Variants in GYPE observed in about 807,000 individuals in gnomAD.
The protein encoded by GYPE is glycophorin E (MNS blood group), also known as glycophorin-E.
A neutral mutation model predicts 11.6 loss-of-function variants in GYPE; 8 were observed. The observed-to-expected ratio is 0.69, with a 90% CI of 0.41 to 1.25. The LOEUF is 1.25. GYPE is among the 50% of genes most tolerant of loss of function. The pLI, the probability that GYPE is intolerant of heterozygous loss-of-function variation, is 0.01. For missense variants in GYPE, 90 were observed against 92.8 expected (o/e 0.97, Z 0.12); for synonymous variants, 28 against 29.6 (o/e 0.94, Z 0.18).
chr4:143,898,736 A>C (rs1009641010), intron 1 of GYPE, among the ~76,000 whole-genome samples: 1 of 152,224 alleles, frequency 6.6e-6, no homozygotes, highest in Non-Finnish European at 1.5e-5. Flanking sequence ...CGAATCAATG[A>C]AGACAGATTT....
At chr4:143,880,229 A>C (rs899135393) in intron 2 of GYPE, among the ~76,000 whole-genome samples, 182 bp downstream of exon 2, 26 of 152,104 alleles carry the variant, frequency 1.7e-4, no homozygotes, top group African/African-American at 4.3e-4. Context: ...TATTTCTGTG[A>C]GATATTTCAG....
intron 1 of GYPE, among the ~76,000 whole-genome samples, chr4:143,894,342 G>A (rs560774675): frequency 3.0e-4 from 45 of 152,256 alleles, no homozygotes; most frequent in African/African-American, 7.2e-4. Context: ...GCTTTGTTCC[G>A]TTGCTCGAGA....
intron 1 of GYPE, among the ~76,000 whole-genome samples, chr4:143,904,513 T>C (rs1744985850): frequency 6.6e-6 from 1 of 152,172 alleles, no homozygotes; most frequent in African/African-American, 2.4e-5. Flanking sequence ...CCTGTGCTCT[T>C]AACTATTGCA....
At position 143,876,847 on chromosome 4, in the gene GYPE, G is replaced by T; in HGVS notation, c.145C>A (p.Leu49Ile). ...YISSQTNGIT[L>I]INWWAMARVI... ...CGAGCCATCGCCCACCAATTAATGA[G>T]TGTTATCCCTACAGGAGATAAAGAG... Residue 49 changes from leucine to isoleucine, a missense_variant, in exon 3 of 4, where the codon CTC becomes ATC. Physicochemically the swap from Leu to Ile is conservative, Grantham distance 5. Coordinates refer to ENST00000358615, the MANE Select transcript of GYPE (RefSeq NM_198682.3). 1.9e-6 allele frequency: 3 copies of T among 1,598,672 alleles called. No individual in the cohort carries two copies. Among genetic ancestry groups the T allele is most frequent in the Non-Finnish European group, 2.6e-6 (3 of 1,166,698 alleles).
intron 3 of GYPE, chr4:143,875,266 A>G: frequency 3.5e-6 from 2 of 571,234 alleles, no homozygotes; most frequent in Non-Finnish European, 3.1e-6. Context: ...TGGGCTTTAC[A>G]TTTTAAACAT....
intron 2 of GYPE, chr4:143,878,728 A>G (rs925274780): frequency 2.1e-6 from 1 of 469,746 alleles, no homozygotes. Context: ...CGTGCAAAGA[A>G]AAAAATCATT....
intron 1 of GYPE, among the ~76,000 whole-genome samples, chr4:143,891,149 G>A (rs1425808052): frequency 6.6e-6 from 1 of 151,104 alleles, no homozygotes; most frequent in Non-Finnish European, 1.5e-5. Flanking sequence ...TTTAGGCTTT[G>A]TGGACCATCT....
intron 1 of GYPE, among the ~76,000 whole-genome samples, chr4:143,882,884 C>A (rs1301686750): frequency 6.6e-6 from 1 of 152,166 alleles, no homozygotes; most frequent in Non-Finnish European, 1.5e-5. Context: ...TTTGAATTTT[C>A]TCAGCATGAG....
rs571469034 is a variant in GYPE at position 143,876,914 on chromosome 4, A to C, written c.137-59T>G. On this transcript the variant is annotated intron_variant, in intron 2 of 3. Transcript: ENST00000358615. The stretch of plus-strand genomic sequence containing the variant: ...AAGTCTGAAATAAATGACCACATCC[A>C]ATTGAAAAATAAGATAACATCAGCA... 1,073 of 912,454 alleles carry C rather than the reference A, an allele frequency of 1.2e-3. 5 individuals are homozygous for C. The highest frequency in any genetic ancestry group is 2.4e-3 in the Admixed American group (132 of 54,598). 56.5% of individuals were successfully genotyped at this position (912,454 alleles called of 1,614,324 possible).
chr4:143,901,406 A>G lies in GYPE; in HGVS notation c.37+4065T>C, dbSNP rs1463873466. Among the ~76,000 whole-genome samples the G allele has an allele frequency of 6.6e-5, 6 of 91,156 alleles. No homozygotes were observed. The South Asian group carries it at 3.2e-3, about 48-fold the overall frequency. 59.8% of individuals were successfully genotyped at this position (91,156 alleles called of 152,430 possible). A position where few individuals can be genotyped will look rare whatever the true frequency, so the allele number is the denominator to read the frequency against. ...ATGGTTCTCTTTGCAGAAAATTTAG[A>G]AAGTATTTAAAATGAGAAAAAAAAA... On this transcript the variant is annotated intron_variant, in intron 1 of 3. Coordinates refer to ENST00000358615, the MANE Select transcript of GYPE (RefSeq NM_198682.3).
At chr4:143,877,143 G>T (rs1743847139) in intron 2 of GYPE, among the ~76,000 whole-genome samples, 1 of 152,176 alleles carries the variant, frequency 6.6e-6, no homozygotes, top group African/African-American at 2.4e-5. Context: ...TTCTTCACTA[G>T]TGTAACTGTA....
chr4:143,880,358 C>A, intron 2 of GYPE, 53 bp downstream of exon 2: 1 of 1,612,856 alleles, frequency 6.2e-7, no homozygotes, highest in South Asian at 1.1e-5. Context: ...AATAGGGTTG[C>A]ATCACAAAAA....
At chr4:143,892,647 T>C (rs1481442558) in intron 1 of GYPE, among the ~76,000 whole-genome samples, 1 of 152,080 alleles carries the variant, frequency 6.6e-6, no homozygotes, top group African/African-American at 2.4e-5. Flanking sequence ...TCCTGAGTTC[T>C]AGTTTGATTG....
rs17018900 is a variant in GYPE at position 143,876,759 on chromosome 4, C to T, written c.233G>A (p.Arg78Gln). ...CTGAATTCTCACCTTTATCAGTCAT[C>T]GAATACAGTAAGAAATTAAGATGAT... is the stretch of plus-strand genomic sequence containing the variant. ...GMIILISYCI[R>Q] The change falls in exon 3 of 4, where the codon CGA becomes CAA. Residue 78 changes from arginine (R) to glutamine (Q), a missense_variant. Transcript: ENST00000358615. 1.0e-4 allele frequency: 161 copies of T among 1,573,418 alleles called. No individual in the cohort carries two copies. In the African/African-American group the frequency reaches 1.7e-3, roughly 16 times the overall value.
chr4:143,890,261 C>T (rs1195778856), intron 1 of GYPE, among the ~76,000 whole-genome samples: 1 of 152,108 alleles, frequency 6.6e-6, no homozygotes, highest in Non-Finnish European at 1.5e-5. Flanking sequence ...ATTTTTCCAG[C>T]CAAGCATATT....
intron 1 of GYPE, among the ~76,000 whole-genome samples, chr4:143,894,113 G>T (rs1014029477): frequency 6.6e-6 from 1 of 151,982 alleles, no homozygotes; most frequent in African/African-American, 2.4e-5. Context: ...GGCTCCTGAG[G>T]CTTCTGCATT....
rs1208259154 is a variant in GYPE, at chr4:143,871,778, C to A, written c.*484G>T. 1 of 152,110 alleles carries A rather than the reference C, an allele frequency of 6.6e-6. No individual in the cohort carries two copies. Among genetic ancestry groups the A allele is most frequent in the Non-Finnish European group, 1.5e-5 (1 of 68,034 alleles). 9.4% of individuals were successfully genotyped at this position (152,110 alleles called of 1,614,324 possible). A position where few individuals can be genotyped will look rare whatever the true frequency, so the allele number is the denominator to read the frequency against. ...AGCAGTCTGTTCGGGCGGCATTTTG[C>A]CAATATAGCCCTATCCTAAGGGAAA... On this transcript the variant is annotated 3_prime_UTR_variant, in exon 4 of 4. Coordinates refer to ENST00000358615, the MANE Select transcript of GYPE (RefSeq NM_198682.3).
intron 1 of GYPE, among the ~76,000 whole-genome samples, chr4:143,881,755 T>C (rs971565561): frequency 6.6e-6 from 1 of 152,216 alleles, no homozygotes; most frequent in Non-Finnish European, 1.5e-5. Context: ...TAAATCATTA[T>C]GATAAACGTC....
In GYPE at chr4:143,876,827, C is replaced by T. The variant is rs1743831703; in HGVS notation, c.165G>A (p.Met55Ile). The change falls in exon 3 of 4, where the codon ATG becomes ATA. Residue 55 changes from methionine to isoleucine, a missense_variant. By Grantham distance (10) the Met-to-Ile change is conservative. Transcript: ENST00000358615. ...GCATCACCTCAAAAATAACACGAGCCATCGCCCACCAATTAATGAGTGTTA... is the reference window on the plus strand; with the variant it reads ...GCATCACCTCAAAAATAACACGAGCTATCGCCCACCAATTAATGAGTGTTA... ...NGITLINWWAMARVIFEVMLV... is the reference protein window; with the variant it reads ...NGITLINWWAIARVIFEVMLV... 2 of 1,610,220 alleles carry T rather than the reference C, an allele frequency of 1.2e-6. No homozygotes were observed. The highest frequency in any genetic ancestry group is 1.7e-6 in the Non-Finnish European group (2 of 1,177,182).
Sources: gnomAD v4.1 joint callset for allele counts (sites outside exome capture counted in the v4.1 genomes callset) on GRCh38, gnomAD v4.1.1 for gene constraint, MANE v1.5 for transcripts, NCBI Gene and HGNC (gene_info 2026-07-23, HGNC 2026-07-21) for gene names.